SPTBN5: variants seen among roughly 807,000 people sequenced by gnomAD.
The protein encoded by SPTBN5 is spectrin beta chain, non-erythrocytic 5.
SPTBN5 carries 513 observed loss-of-function variants against 477.6 expected under a neutral mutation model. That is an observed-to-expected ratio of 1.07 (90% CI 1.00 to 1.16). The LOEUF (loss-of-function observed/expected upper bound fraction) is 1.16. Ranked by LOEUF, SPTBN5 falls within the 50% of genes most tolerant of loss-of-function variation. SPTBN5 has a pLI of 0.00. For synonymous variants in SPTBN5, 2,169 were observed against 2,011.7 expected (o/e 1.08, Z -2.09); for missense variants, 5,062 against 4,731.8 (o/e 1.07, Z -2.05).
intron 7 of SPTBN5, 103 bp downstream of exon 7, chr15:41,885,632 C>G (rs1044432737): frequency 1.5e-6 from 2 of 1,376,176 alleles, no homozygotes; most frequent in African/African-American, 2.9e-5. Flanking sequence ...CATAAATCAT[C>G]CCTCTCCTCT....
chr15:41,868,791 C>T (rs1417973028), intron 32 of SPTBN5, among the ~76,000 whole-genome samples, 190 bp from the exon 33 acceptor site: 1 of 152,202 alleles, frequency 6.6e-6, no homozygotes, highest in Non-Finnish European at 1.5e-5. Flanking sequence ...CCCGATCCTC[C>T]CAGAACCACG....
At position 41,857,430 on chromosome 15, in the gene SPTBN5, A is replaced by G; in HGVS notation, c.8429T>C (p.Leu2810Pro). 1 of 1,604,610 alleles carries G rather than the reference A, an allele frequency of 6.2e-7. No individual in the cohort carries two copies. The highest frequency in any genetic ancestry group is 1.7e-4 in the Middle Eastern group (1 of 6,042). Residue 2810 changes from leucine (L) to proline (P), a missense_variant, in exon 51 of 68, where the codon CTG becomes CCG. By Grantham distance (98) the Leu-to-Pro change is moderately conservative. Transcript: ENST00000320955. ...ENWLEPIEVELRAPTVGQALP... is the reference protein window; with the variant it reads ...ENWLEPIEVEPRAPTVGQALP... ...GGCCTGGCCCACAGTGGGGGCTCTCAGCTCAACCTCGATGGGCTCCAGCCA... is the reference window on the plus strand; with the variant it reads ...GGCCTGGCCCACAGTGGGGGCTCTCGGCTCAACCTCGATGGGCTCCAGCCA...
At chr15:41,874,227 G>T in intron 24 of SPTBN5, 65 bp downstream of exon 24, 1 of 1,550,758 alleles carries the variant, frequency 6.4e-7, no homozygotes, top group Non-Finnish European at 8.7e-7. Context: ...CTGAGTAGGG[G>T]CAGAGGGTTT....
rs975441547 is a variant in SPTBN5, at chr15:41,870,517, G to A, written c.5491C>T (p.His1831Tyr). ...GTGGTCTCGGTGTCTCGGAGCGCGT[G>A]GCCTCGGGCCTGGGTCAGCTCCCAC... is the stretch of plus-strand genomic sequence containing the variant. ...ELWELTQARGHALRDTETTLR... is the reference protein window; with the variant it reads ...ELWELTQARGYALRDTETTLR... Residue 1831 changes from histidine to tyrosine, a missense_variant, in exon 30 of 68, where the codon CAC becomes TAC. Physicochemically the swap from His to Tyr is moderately conservative, Grantham distance 83 (BLOSUM62 2). Coordinates refer to ENST00000320955, the MANE Select transcript of SPTBN5 (RefSeq NM_016642.4). 3 of 1,611,654 alleles carry A rather than the reference G, an allele frequency of 1.9e-6. No individual in the cohort carries two copies. The African/African-American group carries it at 4.0e-5, about 22-fold the overall frequency.
chr15:41,875,097 C>T (rs370438073), intron 22 of SPTBN5, 41 bp from the exon 23 acceptor site: 33 of 1,551,664 alleles, frequency 2.1e-5, no homozygotes, highest in South Asian at 2.0e-4. Flanking sequence ...TCTCTGTGTA[C>T]AGCACAGCAA....
In SPTBN5 at chr15:41,879,799, T is replaced by C; in HGVS notation, c.2877A>G (p.Gln959=). ...LWAEVSSSAE[Q]LRQRYPGNST... is the part of the protein sequence containing the mutation. ...AGTTCCCAGGATATCTCTGCCTCAG[T>C]TGCTCAGCAGAGCTGCTGACCTCAG... Residue 959 remains glutamine (Q), a synonymous_variant, in exon 15 of 68, where the codon CAA becomes CAG. Transcript: ENST00000320955. 6.2e-7 allele frequency: 1 copy of C among 1,613,952 alleles called. No individual in the cohort carries two copies. The highest frequency in any genetic ancestry group is 8.5e-7 in the Non-Finnish European group (1 of 1,179,830).
intron 7 of SPTBN5, among the ~76,000 whole-genome samples, chr15:41,885,148 C>T (rs373959915): frequency 2.6e-5 from 4 of 152,092 alleles, no homozygotes; most frequent in East Asian, 1.9e-4. Flanking sequence ...CTCAGCCTCC[C>T]GAGTAGCTGA....
Position 41,861,405 on chromosome 15 carries a change from T to TGCTGG in SPTBN5, c.7815+9_7815+13dup. 6.2e-7 allele frequency: 1 copy of TGCTGG among 1,608,376 alleles called. No homozygotes were observed. Among genetic ancestry groups the TGCTGG allele is most frequent in the Non-Finnish European group, 8.5e-7 (1 of 1,175,276 alleles). On this transcript the variant is annotated intron_variant, in intron 46 of 67. Transcript: ENST00000320955. ...GTAATTCCCCCCTCCTGCCCATTCC[T>TGCTGG]GCTGGGCACCTACCCATAGACCCTC...
At chr15:41,848,657 G>A (rs1419331385) in intron 67 of SPTBN5, 29 bp from the exon 68 acceptor site, 2 of 1,613,630 alleles carry the variant, frequency 1.2e-6, no homozygotes, top group South Asian at 1.1e-5. Context: ...GAATTTAGTA[G>A]GGTATGGCCA....
At chr15:41,858,491 G>A in intron 49 of SPTBN5, 111 bp downstream of exon 49, 1 of 1,331,148 alleles carries the variant, frequency 7.5e-7, no homozygotes, top group Non-Finnish European at 1.0e-6. Flanking sequence ...CATGCAGAAA[G>A]TACTGGATAA....
chr15:41,872,128 T>G (rs2066564109), intron 27 of SPTBN5, among the ~76,000 whole-genome samples, 174 bp downstream of exon 27: 2 of 152,220 alleles, frequency 1.3e-5, no homozygotes, highest in African/African-American at 4.8e-5. Flanking sequence ...CAGGGAGTTG[T>G]GGGGCCTCAC....
Position 41,893,889 on chromosome 15 carries a change from G to C in SPTBN5, c.-50+10C>G, listed in dbSNP as rs1041542117. 7.7e-6 allele frequency: 2 copies of C among 261,072 alleles called. No individual in the cohort carries two copies. The highest frequency in any genetic ancestry group is 4.3e-5 in the African/African-American group (2 of 46,056). 16.2% of individuals were successfully genotyped at this position (261,072 alleles called of 1,614,324 possible). ...ACGGATGGAGATGGTAGATAGCAGG[G>C]GCTGCTTACCTTGGTGATGCCTGGG... is the stretch of plus-strand genomic sequence containing the variant. On this transcript the variant is annotated intron_variant, in intron 1 of 67. Transcript: ENST00000320955.
chr15:41,866,927 T>G (rs1280328032), intron 36 of SPTBN5, 32 bp downstream of exon 36: 1 of 1,539,010 alleles, frequency 6.5e-7, no homozygotes, highest in South Asian at 1.2e-5. Context: ...GTGGTTCCAG[T>G]GGAAGGCCCT....
intron 40 of SPTBN5, 26 bp from the exon 41 acceptor site, chr15:41,863,844 T>C (rs757652507): frequency 1.6e-5 from 26 of 1,613,434 alleles, no homozygotes; most frequent in Non-Finnish European, 2.2e-5. Flanking sequence ...TGGTGTCATG[T>C]GGAGCCTGAG....
chr15:41,849,835 T>G, intron 67 of SPTBN5, 34 bp downstream of exon 67: 1 of 1,520,514 alleles, frequency 6.6e-7, no homozygotes, highest in Non-Finnish European at 8.9e-7. Context: ...AGCCCAGGGC[T>G]CCCCGCCCTG....
intron 63 of SPTBN5, 90 bp downstream of exon 63, chr15:41,851,689 C>A: frequency 1.0e-6 from 1 of 1,001,060 alleles, no homozygotes; most frequent in Non-Finnish European, 1.5e-6. Context: ...GTTCACAGTG[C>A]AAGGGTGCCA....
At chr15:41,867,162 C>T in intron 35 of SPTBN5, 36 bp from the exon 36 acceptor site, 1 of 1,503,284 alleles carries the variant, frequency 6.7e-7, no homozygotes, top group Non-Finnish European at 8.9e-7. Context: ...CTCTCCCACC[C>T]TGGGCTGGGG....
intron 3 of SPTBN5, among the ~76,000 whole-genome samples, chr15:41,890,549 C>G (rs1173555784): frequency 6.6e-6 from 1 of 152,234 alleles, no homozygotes; most frequent in Non-Finnish European, 1.5e-5. Context: ...TCATAACAGT[C>G]AATGTGTGAG....
chr15:41,852,531 G>A (rs2065799501), intron 61 of SPTBN5, 103 bp downstream of exon 61: 3 of 1,375,632 alleles, frequency 2.2e-6, no homozygotes, highest in South Asian at 1.2e-5. Flanking sequence ...AGCAGGTAAG[G>A]CAGGGCCGGG....
Sources: allele counts gnomAD v4.1 joint callset (sites outside exome capture counted in the v4.1 genomes callset), GRCh38; gene constraint gnomAD v4.1.1; transcripts MANE v1.5; gene names NCBI Gene and HGNC (gene_info 2026-07-23, HGNC 2026-07-21).